Variants in PPP2R1B observed in about 807,000 individuals in gnomAD.
PPP2R1B encodes serine/threonine-protein phosphatase 2A 65 kDa regulatory subunit A beta isoform.
PPP2R1B carries 58 observed loss-of-function variants against 72.7 expected under a neutral mutation model. The ratio of observed to expected loss-of-function variants is 0.80; its 90% CI spans 0.65 to 0.99. The LOEUF is 0.99. Among genes scored for constraint, PPP2R1B ranks in the 50% least tolerant of loss-of-function variants. PPP2R1B has a pLI of 0.00. For synonymous variants in PPP2R1B, 256 were observed against 264.6 expected (o/e 0.97, Z 0.32); for missense variants, 695 against 733.6 (o/e 0.95, Z 0.61).
the PPP2R1B span, chr11:111,688,083 T>C: frequency 3.1e-6 from 5 of 1,614,066 alleles, no homozygotes; most frequent in Non-Finnish European, 4.2e-6. This position sits in a 1 kb window ranked among gnomAD's most constrained non-coding sequence, Gnocchi z 4.2. Context: ...TTGATTATTG[T>C]CATGGTCGGA....
At chr11:111,692,669 G>C in the PPP2R1B span, among the ~76,000 whole-genome samples, 5 of 152,052 alleles carry the variant, frequency 3.3e-5, no homozygotes, top group Non-Finnish European at 4.4e-5. Flanking sequence ...CTTCTTGATG[G>C]CCCTGATTTT....
chr11:111,707,965 T>A, the PPP2R1B span, among the ~76,000 whole-genome samples: 1 of 152,200 alleles, frequency 6.6e-6, no homozygotes, highest in Admixed American at 6.5e-5. Flanking sequence ...TTAGTTAACC[T>A]GTACCGGGAG....
chr11:111,725,842 A>G (rs1943948295), downstream of PPP2R1B: 1 of 152,492 alleles, frequency 6.6e-6, no homozygotes, highest in South Asian at 2.1e-4. Context: ...AGCGCTCACC[A>G]TGGGTGCCAG....
the PPP2R1B span, among the ~76,000 whole-genome samples, chr11:111,705,535 C>A: frequency 6.6e-6 from 1 of 152,084 alleles, no homozygotes; most frequent in Non-Finnish European, 1.5e-5. This position sits in a 1 kb window ranked among gnomAD's most constrained non-coding sequence, Gnocchi z 4.3. Flanking sequence ...AAGACAAGAT[C>A]ATAAACAACC....
At chr11:111,710,408 T>C in the PPP2R1B span, among the ~76,000 whole-genome samples, 5 of 152,322 alleles carry the variant, frequency 3.3e-5, no homozygotes, top group African/African-American at 9.6e-5. Flanking sequence ...TCTTATACAG[T>C]ATAGCCAGTG....
chr11:111,703,488 T>C, the PPP2R1B span: 24 of 1,443,740 alleles, frequency 1.7e-5, no homozygotes, highest in South Asian at 3.5e-5. Context: ...TGCTCACACC[T>C]GTCATCCTGG....
At chr11:111,724,447 G>T, downstream of PPP2R1B, 1 of 344,784 alleles carries the variant, frequency 2.9e-6, no homozygotes, top group East Asian at 5.8e-5. Context: ...CAGGTGTTAT[G>T]CAGGATTACA....
downstream of PPP2R1B, chr11:111,723,491 T>C: frequency 6.3e-7 from 1 of 1,589,834 alleles, no homozygotes; most frequent in Non-Finnish European, 8.6e-7. Context: ...ATATTACCAA[T>C]TTAGGCTCCA....
intron 4 of PPP2R1B, among the ~76,000 whole-genome samples, chr11:111,760,542 T>C (rs1027469279): frequency 6.6e-5 from 10 of 152,144 alleles, no homozygotes; most frequent in African/African-American, 2.4e-4. Context: ...CCTAGCTACT[T>C]GGAGGCTGAG....
chr11:111,690,266 GTCTT>G, the PPP2R1B span, among the ~76,000 whole-genome samples: 1 of 141,546 alleles, frequency 7.1e-6, no homozygotes, highest in African/African-American at 2.7e-5. Context: ...TTCAGAGAAG[GTCTT>G]TCTTTTTTTT....
chr11:111,750,639 G>A (rs1944866931), intron 10 of PPP2R1B, among the ~76,000 whole-genome samples: 1 of 151,974 alleles, frequency 6.6e-6, no homozygotes, highest in African/African-American at 2.4e-5. Context: ...CAGAGATGAA[G>A]GTACATCAAA....
chr11:111,727,735 G>A (rs1156378485), intron 15 of PPP2R1B: 2 of 152,386 alleles, frequency 1.3e-5, no homozygotes, highest in African/African-American at 2.4e-5. Flanking sequence ...CAGCTCCAGA[G>A]TGATTAGGTG....
At chr11:111,723,643 C>CCCA (rs1446353664), downstream of PPP2R1B, 5 of 1,614,124 alleles carry the variant, frequency 3.1e-6, no homozygotes, top group Non-Finnish European at 4.2e-6. Flanking sequence ...CTCAGCAGGC[C>CCCA]CCACCGTTCA....
At chr11:111,721,775 G>GA in the PPP2R1B span, 11 of 1,402,600 alleles carry the variant, frequency 7.8e-6, no homozygotes, top group Non-Finnish European at 1.1e-5. Context: ...GCTAAGAACT[G>GA]AGACGTTTTT....
In PPP2R1B at chr11:111,740,937, C is replaced by A. The variant is rs1464419345; in HGVS notation, c.*659G>T. The A allele has an allele frequency of 1.4e-5, 14 of 985,324 alleles. No individual in the cohort carries two copies. Among genetic ancestry groups the A allele is most frequent in the Non-Finnish European group, 1.6e-5 (13 of 829,948 alleles). The allele number at this position is 985,324 out of a possible 1,614,324, so 61.0% of individuals were successfully genotyped here. A position where few individuals can be genotyped will look rare whatever the true frequency, so the allele number is the denominator to read the frequency against. On this transcript the variant is annotated 3_prime_UTR_variant, in exon 15 of 15. Coordinates refer to ENST00000527614, the MANE Select transcript of PPP2R1B (RefSeq NM_002716.5). ...TTCAAATTCAGTTAGGCGTCAACATCACACATTAGCAGCAAGATGCAGCCA... is the reference window on the plus strand; with the variant it reads ...TTCAAATTCAGTTAGGCGTCAACATAACACATTAGCAGCAAGATGCAGCCA...
the PPP2R1B span, chr11:111,703,476 C>A: frequency 6.6e-7 from 1 of 1,511,686 alleles, no homozygotes; most frequent in Non-Finnish European, 9.2e-7. Flanking sequence ...CTTGAAATTT[C>A]ATGCTCACAC....
At chr11:111,724,138 C>G, downstream of PPP2R1B, 1 of 1,602,460 alleles carries the variant, frequency 6.2e-7, no homozygotes, top group Non-Finnish European at 8.5e-7. Context: ...AGTCTCAGCA[C>G]AGGAATTGAG....
chr11:111,733,607 GCCA>G (rs1432355206), downstream of PPP2R1B, among the ~76,000 whole-genome samples: 1 of 152,102 alleles, frequency 6.6e-6, no homozygotes, highest in Non-Finnish European at 1.5e-5. Flanking sequence ...TCACCCCAGG[GCCA>G]CCCACATAGT....
In PPP2R1B at chr11:111,738,988, T is replaced by A. The variant is rs1347351898; in HGVS notation, c.*2608A>T. On this transcript the variant is annotated 3_prime_UTR_variant, in exon 15 of 15. Transcript: ENST00000527614. ...AGCTGCCAAGGATGAAAAACAACATTACATGTCTGAAGCAATCAGACAAAT... is the reference window on the plus strand; with the variant it reads ...AGCTGCCAAGGATGAAAAACAACATAACATGTCTGAAGCAATCAGACAAAT... 2.0e-6 allele frequency: 2 copies of A among 983,806 alleles called. No homozygotes were observed. The highest frequency in any genetic ancestry group is 3.5e-5 in the African/African-American group (2 of 56,756). 60.9% of individuals were successfully genotyped at this position (983,806 alleles called of 1,614,324 possible). A position where few individuals can be genotyped will look rare whatever the true frequency, so the allele number is the denominator to read the frequency against.
Sources: allele counts gnomAD v4.1 joint callset (sites outside exome capture counted in the v4.1 genomes callset), GRCh38; gene constraint gnomAD v4.1.1; non-coding constraint Gnocchi (gnomAD v3.1); transcripts MANE v1.5; gene names NCBI Gene and HGNC (gene_info 2026-07-23, HGNC 2026-07-21).